PDHX: variants seen among roughly 807,000 people sequenced by gnomAD.
PDHX encodes the protein pyruvate dehydrogenase protein X component, mitochondrial.
Under a neutral mutation model 55.3 loss-of-function variants are expected in PDHX, and 33 were observed. The ratio of observed to expected loss-of-function variants is 0.60; its 90% CI spans 0.45 to 0.80. The LOEUF is 0.80. Ranked by LOEUF, PDHX falls within the 30% of genes least tolerant of loss-of-function variation. PDHX has a pLI of 0.00. For synonymous variants in PDHX, 226 were observed against 219.4 expected (o/e 1.03, Z -0.27); for missense variants, 622 against 619.9 (o/e 1.00, Z -0.04).
chr11:34,931,558 T>A (rs1854172289), intron 2 of PDHX, 74 bp downstream of exon 2: 3 of 775,700 alleles, frequency 3.9e-6, no homozygotes, highest in Non-Finnish European at 6.7e-6. Context: ...TTTTTCCTAA[T>A]CTGTCCTGTT....
intron 9 of PDHX, among the ~76,000 whole-genome samples, chr11:34,989,346 C>T (rs1430428529): frequency 2.6e-5 from 4 of 152,022 alleles, no homozygotes; most frequent in Admixed American, 6.5e-5. Flanking sequence ...GTATCCCCTG[C>T]AGATAAGGGG....
chr11:34,990,239 C>G (rs1158662045), intron 9 of PDHX, among the ~76,000 whole-genome samples: 1 of 152,062 alleles, frequency 6.6e-6, no homozygotes, highest in East Asian at 1.9e-4. Context: ...TAATGAATAG[C>G]AAGGCATTCG....
intron 3 of PDHX, among the ~76,000 whole-genome samples, chr11:34,952,307 A>T (rs1442927978): frequency 1.3e-5 from 2 of 152,114 alleles, no homozygotes; most frequent in Admixed American, 1.3e-4. Context: ...TCCAATCAAT[A>T]GAAAAAGAGG....
chr11:34,995,154 T>C lies in PDHX; in HGVS notation c.1488T>C (p.Asn496=). 3 of 1,613,962 alleles carry C rather than the reference T, an allele frequency of 1.9e-6. No homozygotes were observed. Among genetic ancestry groups the C allele is most frequent in the Non-Finnish European group, 8.5e-7 (1 of 1,179,884 alleles). ...FLKSFKANLE[N]PIRLA ...AAAGTTTTAAAGCAAACCTAGAGAA[T>C]CCTATCCGACTTGCCTAGTCCTCAA... The change falls in exon 11 of 11, where the codon AAT becomes AAC. Residue 496 remains asparagine, a synonymous_variant. Coordinates refer to ENST00000227868, the MANE Select transcript of PDHX (RefSeq NM_003477.3).
At chr11:34,985,983 T>C (rs1402292860) in intron 9 of PDHX, among the ~76,000 whole-genome samples, 1 of 152,166 alleles carries the variant, frequency 6.6e-6, no homozygotes, top group Non-Finnish European at 1.5e-5. Flanking sequence ...TTGCAGAAAG[T>C]GTTTGATCGA....
At chr11:34,923,243 G>A (rs563514065) in intron 1 of PDHX, among the ~76,000 whole-genome samples, 1 of 152,220 alleles carries the variant, frequency 6.6e-6, no homozygotes, top group Admixed American at 6.5e-5. Flanking sequence ...ACTATAGCTA[G>A]TGATCTGCTT....
intron 3 of PDHX, among the ~76,000 whole-genome samples, chr11:34,952,705 C>G (rs1317200416): frequency 1.3e-5 from 2 of 151,060 alleles, no homozygotes; most frequent in Non-Finnish European, 2.9e-5. Context: ...ATAATAAGAG[C>G]TATCTATGAC....
chr11:34,980,644 A>T (rs1041803228), intron 8 of PDHX, among the ~76,000 whole-genome samples: 12 of 152,100 alleles, frequency 7.9e-5, no homozygotes, highest in Admixed American at 7.9e-4. Context: ...ATATTGTTGA[A>T]TGAGTGAAGG....
intron 1 of PDHX, among the ~76,000 whole-genome samples, chr11:34,919,906 G>A (rs962925521): frequency 6.6e-6 from 1 of 152,146 alleles, no homozygotes; most frequent in Non-Finnish European, 1.5e-5. Flanking sequence ...TCCTGGACAT[G>A]CAATCCAAAA....
rs1327968240 is a variant in PDHX at position 34,995,608 on chromosome 11, G to A, written c.*436G>A. The A allele has an allele frequency of 4.2e-6, 1 of 238,332 alleles. No individual in the cohort carries two copies. Among genetic ancestry groups the A allele is most frequent in the African/African-American group, 2.3e-5 (1 of 42,844 alleles). The allele number at this position is 238,332 out of a possible 1,614,324, so 14.8% of individuals were successfully genotyped here. On this transcript the variant is annotated 3_prime_UTR_variant, in exon 11 of 11. Transcript: ENST00000227868. Reference sequence around the variant, plus strand: ...AGAGATGGCCATTAACTTAGCAGTGGGACCTCACTTTTACAAGCACTGCTC... The same window carrying A: ...AGAGATGGCCATTAACTTAGCAGTGAGACCTCACTTTTACAAGCACTGCTC...
intron 3 of PDHX, among the ~76,000 whole-genome samples, chr11:34,953,309 A>G (rs967217643): frequency 1.3e-5 from 2 of 152,180 alleles, no homozygotes; most frequent in African/African-American, 4.8e-5. Context: ...TCAAGCTACC[A>G]ATGCCTTTCT....
At chr11:34,967,011 C>T (rs940266518) in intron 6 of PDHX, among the ~76,000 whole-genome samples, 197 bp downstream of exon 6, 1 of 151,966 alleles carries the variant, frequency 6.6e-6, no homozygotes, top group Non-Finnish European at 1.5e-5. Flanking sequence ...ACCACCACAC[C>T]CACCTAATTT....
At chr11:34,942,263 T>C (rs919043737) in intron 2 of PDHX, among the ~76,000 whole-genome samples, 2 of 152,228 alleles carry the variant, frequency 1.3e-5, no homozygotes, top group African/African-American at 4.8e-5. Context: ...AAAAACCGTA[T>C]CTTGATTCAG....
At chr11:34,980,579 T>C (rs985444243) in intron 8 of PDHX, among the ~76,000 whole-genome samples, 59 of 152,140 alleles carry the variant, frequency 3.9e-4, no homozygotes, top group African/African-American at 1.4e-3. Context: ...TAGTGTTGTC[T>C]ATGAAGAATT....
chr11:34,978,144 A>C lies in PDHX; in HGVS notation c.985A>C (p.Asn329His). 6.4e-7 allele frequency: 1 copy of C among 1,568,454 alleles called. No individual in the cohort carries two copies. Among genetic ancestry groups the C allele is most frequent in the Non-Finnish European group, 8.8e-7 (1 of 1,138,982 alleles). ...TTCAGATGACATTAAAGTATCAGTA[A>C]ATGATTTTATCATCAAGGCAGCAGC... ...LVKDDIKVSV[N>H]DFIIKAAAVT... The change falls in exon 8 of 11, where the codon AAT becomes CAT. Residue 329 changes from asparagine to histidine, a missense_variant. Asn to His is a moderately conservative substitution (Grantham distance 68). Transcript: ENST00000227868.
intron 1 of PDHX, among the ~76,000 whole-genome samples, chr11:34,924,248 T>G (rs761092560): frequency 2.0e-5 from 3 of 152,174 alleles, no homozygotes; most frequent in Admixed American, 6.5e-5. Flanking sequence ...TCTTTCTTTC[T>G]TTCTATTTTT....
intron 9 of PDHX, among the ~76,000 whole-genome samples, chr11:34,988,944 T>G (rs1207909333): frequency 6.6e-6 from 1 of 152,226 alleles, no homozygotes; most frequent in East Asian, 1.9e-4. Flanking sequence ...TAAATTAAAC[T>G]TTATCATAAT....
intron 8 of PDHX, among the ~76,000 whole-genome samples, chr11:34,982,536 A>G (rs1440640384): frequency 1.3e-5 from 2 of 152,130 alleles, no homozygotes; most frequent in Admixed American, 6.5e-5. Context: ...CAAGACTAAT[A>G]AAGAAGAAAA....
intron 2 of PDHX, among the ~76,000 whole-genome samples, chr11:34,944,904 G>A (rs931097359): frequency 7.9e-5 from 12 of 151,778 alleles, no homozygotes; most frequent in Non-Finnish European, 1.3e-4. Context: ...TTGTGATTAC[G>A]GATACATGGG....
Sources: gnomAD v4.1 joint callset for allele counts (sites outside exome capture counted in the v4.1 genomes callset) on GRCh38, gnomAD v4.1.1 for gene constraint, MANE v1.5 for transcripts, NCBI Gene and HGNC (gene_info 2026-07-23, HGNC 2026-07-21) for gene names.